Variants in FAT2 observed in about 807,000 individuals in gnomAD.
FAT2 encodes the protein FAT atypical cadherin 2.
FAT2 carries 150 observed loss-of-function variants against 295.3 expected under a neutral mutation model. The ratio of observed to expected loss-of-function variants is 0.51; its 90% CI spans 0.44 to 0.58. The LOEUF (loss-of-function observed/expected upper bound fraction) is 0.58, where lower values mean the gene tolerates loss of function less well. Among genes scored for constraint, FAT2 ranks in the 20% least tolerant of loss-of-function variants. The pLI is 0.00. For synonymous variants in FAT2, 2,026 were observed against 2,150.3 expected, an observed-to-expected ratio of 0.94 and a Z score of 1.60; for missense variants, 4,868 against 5,442.7, an observed-to-expected ratio of 0.89 and a Z score of 3.32.
chr5:151,571,093 CT>C (rs1444782780), intron 1 of FAT2, among the ~76,000 whole-genome samples: 1 of 152,092 alleles, frequency 6.6e-6, no homozygotes, highest in Non-Finnish European at 1.5e-5. Flanking sequence ...CATTCGAGGT[CT>C]GAAAGTTAGT....
chr5:151,526,572 T>C (rs1754003222), intron 17 of FAT2, among the ~76,000 whole-genome samples: 1 of 152,254 alleles, frequency 6.6e-6, no homozygotes, highest in Non-Finnish European at 1.5e-5. Flanking sequence ...GATCGTTGCC[T>C]ATCCAACAGA....
rs2127627750 is a variant in FAT2, at chr5:151,553,345, C to T, written c.3988G>A (p.Val1330Ile). ...GGGATCCACTCAATGTGTAGCCGGA[C>T]ACTGGCTGAGAGTGGTGGCTGCCCA... ...DSGQPPLSAS[V>I]RLHIEWIPWP... Residue 1330 changes from valine (V) to isoleucine (I), a missense_variant, in exon 6 of 24, where the codon GTC becomes ATC. Val to Ile is a conservative substitution (Grantham distance 29). Transcript: ENST00000261800. The T allele has an allele frequency of 6.2e-7, 1 of 1,614,266 alleles. No homozygotes were observed. The highest frequency in any genetic ancestry group is 8.5e-7 in the Non-Finnish European group (1 of 1,180,046).
At chr5:151,589,383 C>G (rs1158990256) in intron 1 of FAT2, among the ~76,000 whole-genome samples, 1 of 152,186 alleles carries the variant, frequency 6.6e-6, no homozygotes, top group Non-Finnish European at 1.5e-5. Context: ...AGTTCAGTCG[C>G]ACTTAGGTTA....
intron 22 of FAT2, 40 bp downstream of exon 22, chr5:151,509,981 T>TAAC: frequency 6.2e-7 from 1 of 1,603,600 alleles, no homozygotes; most frequent in Non-Finnish European, 8.5e-7. Flanking sequence ...GCGCATTCCC[T>TAAC]AACAAGGAGC....
At chr5:151,538,049 C>T in intron 11 of FAT2, 103 bp from the exon 12 acceptor site, 1 of 970,296 alleles carries the variant, frequency 1.0e-6, no homozygotes, top group South Asian at 1.8e-5. Context: ...GAAAGAGAGA[C>T]ACTAAGAGGG....
At chr5:151,523,205 A>G (rs989884778) in intron 18 of FAT2, among the ~76,000 whole-genome samples, 2 of 152,214 alleles carry the variant, frequency 1.3e-5, no homozygotes, top group Non-Finnish European at 2.9e-5. Flanking sequence ...ATTAATAGCA[A>G]CAATAATAAT....
upstream of FAT2, among the ~76,000 whole-genome samples, chr5:151,592,864 T>G (rs1458267970): frequency 6.6e-6 from 1 of 152,154 alleles, no homozygotes; most frequent in East Asian, 1.9e-4. Context: ...TCTTGTTGCT[T>G]ATACAGGAGC....
At chr5:151,589,322 C>T (rs1008705887) in intron 1 of FAT2, among the ~76,000 whole-genome samples, 1 of 152,200 alleles carries the variant, frequency 6.6e-6, no homozygotes, top group African/African-American at 2.4e-5. Flanking sequence ...CAGGCCAGTG[C>T]CACACAGCCT....
intron 2 of FAT2, 21 bp downstream of exon 2, chr5:151,565,652 A>AC: frequency 1.9e-4 from 120 of 621,930 alleles, no homozygotes; most frequent in East Asian, 2.7e-4. Flanking sequence ...CTGGCACCCC[A>AC]CCCTACCCCA....
chr5:151,560,230 G>A (rs1757962637), intron 3 of FAT2, among the ~76,000 whole-genome samples: 1 of 152,148 alleles, frequency 6.6e-6, no homozygotes, highest in African/African-American at 2.4e-5. Flanking sequence ...ACATGCACAG[G>A]CATTCAGCTA....
intron 8 of FAT2, 24 bp from the exon 9 acceptor site, chr5:151,549,529 G>A (rs1308040679): frequency 1.2e-6 from 2 of 1,607,902 alleles, no homozygotes; most frequent in African/African-American, 1.3e-5. Context: ...GGGGGTAATT[G>A]GGTAAGCAGC....
chr5:151,537,328 AG>A (rs1463916088), intron 12 of FAT2, among the ~76,000 whole-genome samples: 3 of 2,896 alleles, frequency 1.0e-3, no homozygotes, highest in South Asian at 0.021. Flanking sequence ...AGAGAAAAAA[AG>A]AAAGAAAAGA....
intron 1 of FAT2, among the ~76,000 whole-genome samples, chr5:151,584,061 C>T (rs1759073155): frequency 7.1e-6 from 1 of 140,286 alleles, no homozygotes; most frequent in Non-Finnish European, 1.5e-5. Flanking sequence ...TCAAAGAAGA[C>T]TTTAATTAAA....
chr5:151,507,893 A>G (rs60404868), intron 22 of FAT2, among the ~76,000 whole-genome samples: 1,639 of 152,258 alleles, frequency 0.011, 31 homozygotes, highest in African/African-American at 0.037. Context: ...ACTCTCTATC[A>G]TGAGGTCGGA....
chr5:151,534,438 G>A lies in FAT2; in HGVS notation c.9398C>T (p.Ala3133Val). ...FDNTTVKTPVAVVFARDPDQG... is the reference protein window; with the variant it reads ...FDNTTVKTPVVVVFARDPDQG... Reference sequence around the variant, plus strand: ...GTCGGGATCCCGGGCAAATACTACAGCCACAGGGGTCTTCACTGTGGTGTT... The same window carrying A: ...GTCGGGATCCCGGGCAAATACTACAACCACAGGGGTCTTCACTGTGGTGTT... Residue 3133 changes from alanine (A) to valine (V), a missense_variant, in exon 13 of 24, where the codon GCT (alanine) becomes GTT (valine). Transcript: ENST00000261800. 6.2e-7 allele frequency: 1 copy of A among 1,611,564 alleles called. No individual in the cohort carries two copies. Among genetic ancestry groups the A allele is most frequent in the Non-Finnish European group, 8.5e-7 (1 of 1,178,424 alleles).
chr5:151,515,394 A>G (rs533386731), intron 20 of FAT2, among the ~76,000 whole-genome samples: 16 of 152,222 alleles, frequency 1.1e-4, no homozygotes, highest in African/African-American at 3.9e-4. Flanking sequence ...GGCTTTCAGT[A>G]CCACGTATGC....
chr5:151,566,922 A>G lies in FAT2; in HGVS notation c.2010T>C (p.Cys670=), dbSNP rs760042379. 1.1e-5 allele frequency: 17 copies of G among 1,614,008 alleles called. No individual in the cohort carries two copies. In the Admixed American group the frequency reaches 2.2e-4, roughly 21 times the overall value. ...KDPHFEVPVT[C]DKTGVLTQFT... is the part of the protein sequence containing the mutation. ...ATTGTGTCAATACCCCTGTTTTATC[A>G]CATGTTACAGGAACTTCAAAATGAG... Residue 670 remains cysteine (C), a synonymous_variant, in exon 2 of 24, where the codon TGT becomes TGC. Transcript: ENST00000261800.
At position 151,549,358 on chromosome 5, in the gene FAT2, G is replaced by C. The variant is rs761542972; in HGVS notation, c.4726C>G (p.Gln1576Glu). The change falls in exon 9 of 24, where the codon CAG (glutamine) becomes GAG (glutamate). Residue 1576 changes from glutamine (Q) to glutamate (E), a missense_variant. Physicochemically the swap from Gln to Glu is conservative, Grantham distance 29. This residue lies in a region of FAT2 where 3,297 missense variants were observed against 3,669.4 expected (regional missense o/e 0.90). Coordinates refer to ENST00000261800, the MANE Select transcript of FAT2 (RefSeq NM_001447.3). ...DTIAPGTELL[Q>E]VRAMDADRGV... The stretch of plus-strand genomic sequence containing the variant: ...CGGTCAGCATCCATGGCTCGGACCT[G>C]CAGCAGCTCTGTGCCGGGGGCTATG... The C allele has an allele frequency of 6.2e-7, 1 of 1,614,012 alleles. No individual in the cohort carries two copies. The highest frequency in any genetic ancestry group is 1.1e-5 in the South Asian group (1 of 91,064).
intron 20 of FAT2, among the ~76,000 whole-genome samples, chr5:151,515,495 C>T (rs1303969714): frequency 6.6e-6 from 1 of 152,158 alleles, no homozygotes; most frequent in Admixed American, 6.5e-5. Context: ...TAATGGGCAT[C>T]TGAAACTTAC....
Sources: allele counts gnomAD v4.1 joint callset (sites outside exome capture counted in the v4.1 genomes callset), GRCh38; gene constraint gnomAD v4.1.1; regional missense constraint gnomAD v4.1.1; transcripts MANE v1.5; gene names NCBI Gene and HGNC (gene_info 2026-07-23, HGNC 2026-07-21).